The following CCDC148 variants were observed in gnomAD, a reference collection of about 807,000 sequenced individuals.
The protein encoded by CCDC148 is coiled-coil domain-containing protein 148.
In CCDC148, 89 loss-of-function variants were observed where a neutral mutation model predicts 85.7. The ratio of observed to expected loss-of-function variants is 1.04; its 90% CI spans 0.87 to 1.24. The LOEUF (loss-of-function observed/expected upper bound fraction) is 1.24. Ranked by LOEUF, CCDC148 falls within the 50% of genes most tolerant of loss-of-function variation. CCDC148 has a pLI of 0.00. For synonymous variants in CCDC148, 230 were observed against 213.9 expected, an observed-to-expected ratio of 1.08 and a Z score of -0.66; for missense variants, 692 against 671.7, an observed-to-expected ratio of 1.03 and a Z score of -0.33.
chr2:158,368,570 T>G (rs1295180173), intron 1 of CCDC148, among the ~76,000 whole-genome samples: 2 of 152,154 alleles, frequency 1.3e-5, no homozygotes, highest in Non-Finnish European at 2.9e-5. Context: ...AAATTGCTCA[T>G]GAATGTTATC....
At position 158,218,551 on chromosome 2, in the gene CCDC148, C is replaced by T. The variant is rs114249217; in HGVS notation, c.1370+2044G>A. Among the ~76,000 whole-genome samples, 464 of 152,232 alleles carry T rather than the reference C, an allele frequency of 3.0e-3. 5 individuals are homozygous for T. The highest frequency in any genetic ancestry group is 0.011 in the African/African-American group (449 of 41,534). On this transcript the variant is annotated intron_variant, in intron 11 of 13. Transcript: ENST00000283233. Reference sequence around the variant, plus strand: ...AATGACTCTGTAATCAAAGAAGCTCCCTGACTATGAGGGGTAATTTTAGTG... The same window carrying T: ...AATGACTCTGTAATCAAAGAAGCTCTCTGACTATGAGGGGTAATTTTAGTG...
intron 10 of CCDC148, among the ~76,000 whole-genome samples, chr2:158,229,257 A>G (rs1574450752): frequency 2.6e-5 from 4 of 152,096 alleles, no homozygotes; most frequent in East Asian, 3.9e-4. Flanking sequence ...CCCACTTCCA[A>G]TCATCCTCTG....
At chr2:158,445,860 G>A (rs1223112631) in intron 1 of CCDC148, among the ~76,000 whole-genome samples, 1 of 152,122 alleles carries the variant, frequency 6.6e-6, no homozygotes, top group Non-Finnish European at 1.5e-5. Flanking sequence ...ATAAATGTTA[G>A]TGAAAATTAT....
chr2:158,239,586 G>T (rs1688262855), intron 10 of CCDC148, among the ~76,000 whole-genome samples: 2 of 151,822 alleles, frequency 1.3e-5, no homozygotes, highest in Admixed American at 6.6e-5. Context: ...AATTAATAAG[G>T]TTGATTTAAA....
chr2:158,317,406 C>G (rs1249780804), intron 7 of CCDC148, among the ~76,000 whole-genome samples: 2 of 152,118 alleles, frequency 1.3e-5, no homozygotes, highest in African/African-American at 4.8e-5. Context: ...ATTTACCATT[C>G]AATTCTCATT....
At chr2:158,363,050 T>C (rs1684036432) in intron 1 of CCDC148, among the ~76,000 whole-genome samples, 1 of 152,130 alleles carries the variant, frequency 6.6e-6, no homozygotes, top group South Asian at 2.1e-4. Context: ...TCTATGCAAA[T>C]GAACTAGAAA....
chr2:158,228,966 AC>A (rs1410586260), intron 10 of CCDC148, among the ~76,000 whole-genome samples: 15 of 118,754 alleles, frequency 1.3e-4, no homozygotes, highest in African/African-American at 5.2e-4. Flanking sequence ...TAATAACAAA[AC>A]AAAAAAAAAA....
At chr2:158,179,128 C>A in intron 11 of CCDC148, 132 bp from the exon 12 acceptor site, 4 of 428,264 alleles carry the variant, frequency 9.3e-6, no homozygotes, top group East Asian at 3.5e-5. Context: ...ACTGATTTCT[C>A]AAGTCCAAAT....
intron 1 of CCDC148, among the ~76,000 whole-genome samples, chr2:158,385,255 A>G (rs566860571): frequency 1.3e-5 from 2 of 152,290 alleles, no homozygotes; most frequent in South Asian, 4.1e-4. Context: ...AGGAACCTTA[A>G]TTACATCTCT....
chr2:158,314,640 T>C (rs1692195649), intron 7 of CCDC148, among the ~76,000 whole-genome samples: 2 of 152,240 alleles, frequency 1.3e-5, no homozygotes, highest in South Asian at 2.1e-4. Context: ...AGTGAAAAGT[T>C]TGCAATATCA....
intron 9 of CCDC148, among the ~76,000 whole-genome samples, chr2:158,278,596 G>T (rs974050705): frequency 3.6e-4 from 55 of 152,362 alleles, no homozygotes; most frequent in African/African-American, 1.3e-3. Flanking sequence ...CATTGCCCAG[G>T]CTTGCTTAGG....
intron 10 of CCDC148, among the ~76,000 whole-genome samples, chr2:158,228,988 A>AT (rs1387025128): frequency 3.0e-3 from 2 of 670 alleles, no homozygotes; most frequent in African/African-American, 8.8e-3. Context: ...AGAAAATGAA[A>AT]GAAAAAAAAA....
intron 13 of CCDC148, among the ~76,000 whole-genome samples, chr2:158,174,565 A>G (rs1684481625): frequency 6.6e-6 from 1 of 152,024 alleles, no homozygotes; most frequent in Admixed American, 6.6e-5. Context: ...TCCTTAGGCA[A>G]TTTTGTTGTG....
At chr2:158,274,950 G>A (rs1574521005) in intron 9 of CCDC148, among the ~76,000 whole-genome samples, 5 of 152,350 alleles carry the variant, frequency 3.3e-5, no homozygotes, top group Admixed American at 3.3e-4. Context: ...AAAGGAGCAA[G>A]TCAACAGAGT....
chr2:158,279,594 T>C (rs921136764), intron 9 of CCDC148, among the ~76,000 whole-genome samples: 13 of 151,944 alleles, frequency 8.6e-5, no homozygotes, highest in Non-Finnish European at 1.5e-4. Context: ...TAAAAAGAAA[T>C]GAACAAAGCC....
At chr2:158,361,581 A>T (rs1005546675) in intron 1 of CCDC148, among the ~76,000 whole-genome samples, 18 of 152,196 alleles carry the variant, frequency 1.2e-4, no homozygotes, top group Non-Finnish European at 2.6e-4. Flanking sequence ...ACTAAGCTTC[A>T]TAAGTGAAGG....
chr2:158,199,909 T>C (rs1685866430), intron 11 of CCDC148, among the ~76,000 whole-genome samples: 1 of 152,200 alleles, frequency 6.6e-6, no homozygotes, highest in African/African-American at 2.4e-5. Context: ...TAAACTTGCT[T>C]TCTTAATGAT....
chr2:158,362,403 A>C (rs1264835714), intron 1 of CCDC148, among the ~76,000 whole-genome samples: 1 of 152,222 alleles, frequency 6.6e-6, no homozygotes, highest in East Asian at 1.9e-4. Flanking sequence ...TTACTTTAAA[A>C]TTGACCACAA....
chr2:158,324,853 C>T (rs1692690749), intron 7 of CCDC148, among the ~76,000 whole-genome samples: 1 of 152,062 alleles, frequency 6.6e-6, no homozygotes, highest in Non-Finnish European at 1.5e-5. Flanking sequence ...CAGACTGCCA[C>T]CATGAACATC....
Sources: allele counts gnomAD v4.1 joint callset (sites outside exome capture counted in the v4.1 genomes callset), GRCh38; gene constraint gnomAD v4.1.1; transcripts MANE v1.5; gene names NCBI Gene and HGNC (gene_info 2026-07-23, HGNC 2026-07-21).